The following RYR2 variants were observed in gnomAD, a reference collection of about 807,000 sequenced individuals.
RYR2 encodes the protein cardiac muscle ryanodine receptor-calcium release channel.
RYR2 carries 227 observed loss-of-function variants against 601.1 expected under a neutral mutation model. The ratio of observed to expected loss-of-function variants is 0.38; its 90% confidence interval spans 0.34 to 0.42. The LOEUF is 0.42. Ranked by LOEUF, RYR2 falls within the 10% of genes least tolerant of loss-of-function variation. RYR2 has a pLI of 1.00. For synonymous variants in RYR2, 2,223 were observed against 2,175.1 expected, an observed-to-expected ratio of 1.02 and a Z score of -0.61; for missense variants, 4,646 against 6,156.5, an observed-to-expected ratio of 0.75 and a Z score of 8.21.
chr1:237,412,719 C>T (rs12691536), intron 10 of RYR2, among the ~76,000 whole-genome samples: 37,234 of 152,008 alleles, frequency 0.24, 4,786 homozygotes, highest in African/African-American at 0.34. Flanking sequence ...TCCTTCCTGC[C>T]ATTTGCATTA....
chr1:237,502,692 C>T (rs1395067932), intron 21 of RYR2, among the ~76,000 whole-genome samples: 1 of 152,104 alleles, frequency 6.6e-6, no homozygotes, highest in Admixed American at 6.5e-5. Context: ...CCACACAGCT[C>T]ACCTCCTCCC....
intron 2 of RYR2, among the ~76,000 whole-genome samples, chr1:237,329,766 G>A (rs957821418): frequency 9.2e-5 from 14 of 152,040 alleles, no homozygotes; most frequent in Admixed American, 1.3e-4. Flanking sequence ...CACCTGAATC[G>A]TGAACAGCCA....
intron 1 of RYR2, among the ~76,000 whole-genome samples, chr1:237,269,042 C>CTTTTTTA (rs1689405705): frequency 8.8e-6 from 1 of 113,222 alleles, no homozygotes; most frequent in Non-Finnish European, 1.7e-5. Flanking sequence ...ATAGCATATT[C>CTTTTTTA]TTTTTTTTTT....
At chr1:237,423,771 C>T (rs1212743808) in intron 12 of RYR2, among the ~76,000 whole-genome samples, 2 of 152,118 alleles carry the variant, frequency 1.3e-5, no homozygotes, top group Non-Finnish European at 2.9e-5. Context: ...TATATGCGGA[C>T]CTTCATCCTT....
intron 1 of RYR2, among the ~76,000 whole-genome samples, chr1:237,144,514 A>G (rs1673765895): frequency 6.6e-6 from 1 of 152,200 alleles, no homozygotes; most frequent in Non-Finnish European, 1.5e-5. Flanking sequence ...GTCCTGGAGA[A>G]AGACATTTCT....
chr1:237,786,503 G>A (rs943756626), intron 91 of RYR2, among the ~76,000 whole-genome samples: 6 of 152,234 alleles, frequency 3.9e-5, no homozygotes, highest in Admixed American at 3.3e-4. Context: ...CCCCGGGAGA[G>A]TTGGTTAAAA....
At position 237,138,016 on chromosome 1, in the gene RYR2, ATATTTTATTT is replaced by A. The variant is rs376745141; in HGVS notation, c.48+95469_48+95478del. Among the ~76,000 whole-genome samples the A allele has an allele frequency of 6.5e-3, 986 of 151,486 alleles. 9 individuals are homozygous for A. The highest frequency in any genetic ancestry group is 0.021 in the African/African-American group (849 of 41,026). ...TAATTTTACCACTTTTGCACTGGAT[ATATTTTATTT>A]TATTTTATTTTATTTTATTTTTTGG... On this transcript the variant is annotated intron_variant, in intron 1 of 104. Coordinates refer to ENST00000366574, the MANE Select transcript of RYR2 (RefSeq NM_001035.3).
At chr1:237,345,543 A>G (rs1488316706) in intron 3 of RYR2, among the ~76,000 whole-genome samples, 19 of 151,894 alleles carry the variant, frequency 1.3e-4, no homozygotes, top group African/African-American at 4.3e-4. Flanking sequence ...TTCAGAAAAC[A>G]CTGAAACAGT....
At chr1:237,240,665 C>CAAAAAAAAAA (rs35984919) in intron 1 of RYR2, among the ~76,000 whole-genome samples, 12 of 55,148 alleles carry the variant, frequency 2.2e-4, no homozygotes, top group Admixed American at 3.3e-4. Context: ...CTATAAAAGC[C>CAAAAAAAAAA]AAAAAAAAAA....
At chr1:237,620,208 A>G (rs1298406029) in intron 38 of RYR2, among the ~76,000 whole-genome samples, 1 of 152,316 alleles carries the variant, frequency 6.6e-6, no homozygotes, top group South Asian at 2.1e-4. Context: ...TAAGGTTTCT[A>G]TCCTTCACTC....
intron 24 of RYR2, among the ~76,000 whole-genome samples, chr1:237,525,175 T>C (rs989819988): frequency 6.6e-6 from 1 of 152,164 alleles, no homozygotes; most frequent in Non-Finnish European, 1.5e-5. Flanking sequence ...TTTATATCTG[T>C]GTGTATCCAC....
rs1176816492 is a variant in RYR2, at chr1:237,654,277, C to G, written c.7828C>G (p.Leu2610Val). ...NEHAKMPLKLLTNHYERCWKY... is the reference protein window; with the variant it reads ...NEHAKMPLKLVTNHYERCWKY... ...TTATAATTGTTTTCCCACATAGCTG[C>G]TGACAAATCATTATGAAAGATGCTG... Residue 2610 changes from leucine (L) to valine (V), a missense_variant, in exon 52 of 105, where the codon CTG becomes GTG. Leu to Val is a conservative substitution (Grantham distance 32). This residue lies in a region of RYR2 where 1,497 missense variants were observed against 1,842.6 expected (regional missense o/e 0.81). Transcript: ENST00000366574. The G allele has an allele frequency of 6.2e-7, 1 of 1,613,414 alleles. No individual in the cohort carries two copies. The highest frequency in any genetic ancestry group is 8.5e-7 in the Non-Finnish European group (1 of 1,179,676).
At chr1:237,057,804 A>G (rs1487601661) in intron 1 of RYR2, among the ~76,000 whole-genome samples, 5 of 152,200 alleles carry the variant, frequency 3.3e-5, no homozygotes, top group African/African-American at 7.2e-5. Flanking sequence ...ACCAACACAC[A>G]TCACCATTGT....
chr1:237,296,215 G>A (rs1417118469), intron 2 of RYR2, among the ~76,000 whole-genome samples: 1 of 152,142 alleles, frequency 6.6e-6, no homozygotes, highest in Non-Finnish European at 1.5e-5. Context: ...AGTGGTATGA[G>A]ATATGATGTG....
At chr1:237,153,319 G>A (rs181607374) in intron 1 of RYR2, among the ~76,000 whole-genome samples, 1 of 152,314 alleles carries the variant, frequency 6.6e-6, no homozygotes, top group African/African-American at 2.4e-5. Flanking sequence ...ATTAATGGAT[G>A]TAGGACAGAT....
chr1:237,624,044 G>A (rs1409155032), intron 39 of RYR2, among the ~76,000 whole-genome samples, 174 bp downstream of exon 39: 2 of 152,124 alleles, frequency 1.3e-5, no homozygotes, highest in Non-Finnish European at 2.9e-5. Flanking sequence ...GTCCCTATGT[G>A]GGGAGTCCTG....
chr1:237,790,850 A>G lies in RYR2; in HGVS notation c.13477-579A>G, dbSNP rs78750401. Among the ~76,000 whole-genome samples, 1,331 of 152,102 alleles carry G rather than the reference A, an allele frequency of 8.8e-3. 22 individuals are homozygous for G. Among genetic ancestry groups the G allele is most frequent in the African/African-American group, 0.031 (1,284 of 41,476 alleles). On this transcript the variant is annotated intron_variant, in intron 92 of 104. Transcript: ENST00000366574. ...CCACCACACTGTCAAAGACAAGACA[A>G]CCTTTTATCAGAAGCCTACAAAACC...
intron 1 of RYR2, among the ~76,000 whole-genome samples, chr1:237,117,770 G>C (rs1391613399): frequency 7.7e-6 from 1 of 129,516 alleles, no homozygotes; most frequent in Non-Finnish European, 1.6e-5. Flanking sequence ...TTCTGAGACA[G>C]AGTCTCCCTC....
At chr1:237,462,462 C>T (rs1226797227) in intron 16 of RYR2, among the ~76,000 whole-genome samples, 2 of 152,184 alleles carry the variant, frequency 1.3e-5, no homozygotes, top group South Asian at 2.1e-4. Context: ...TGCTTTCATA[C>T]ATCTTTTCTG....
Sources: allele counts gnomAD v4.1 joint callset (sites outside exome capture counted in the v4.1 genomes callset), GRCh38; gene constraint gnomAD v4.1.1; regional missense constraint gnomAD v4.1.1; transcripts MANE v1.5; gene names NCBI Gene and HGNC (gene_info 2026-07-23, HGNC 2026-07-21).